The following PTPRN2 variants were observed in gnomAD, a reference collection of about 807,000 sequenced individuals.
PTPRN2 encodes protein tyrosine phosphatase receptor type N2.
Under a neutral mutation model 118.8 loss-of-function variants are expected in PTPRN2, and 74 were observed. The observed-to-expected ratio is 0.62, with a 90% CI of 0.52 to 0.76. The LOEUF is 0.76. Ranked by LOEUF, PTPRN2 falls within the 30% of genes least tolerant of loss-of-function variation. The pLI, the probability that PTPRN2 is intolerant of heterozygous loss-of-function variation, is 0.00. For synonymous variants in PTPRN2, 641 were observed against 608.0 expected, an observed-to-expected ratio of 1.05 and a Z score of -0.80; for missense variants, 1,481 against 1,394.4, an observed-to-expected ratio of 1.06 and a Z score of -0.99.
chr7:158,018,598 C>T (rs1257280090), intron 11 of PTPRN2, among the ~76,000 whole-genome samples: 1 of 152,108 alleles, frequency 6.6e-6, no homozygotes, highest in East Asian at 1.9e-4. Context: ...GTGGCTGCCT[C>T]GGTGTACTGT....
intron 2 of PTPRN2, among the ~76,000 whole-genome samples, chr7:158,347,170 T>G (rs1219998680): frequency 6.6e-6 from 1 of 152,220 alleles, no homozygotes; most frequent in African/African-American, 2.4e-5. Flanking sequence ...AAAAAAATTG[T>G]TGCCCAGGAT....
intron 2 of PTPRN2, among the ~76,000 whole-genome samples, chr7:158,392,157 A>G (rs1052335432): frequency 6.6e-6 from 1 of 150,884 alleles, no homozygotes; most frequent in African/African-American, 2.4e-5. Flanking sequence ...ATGAGGGTGG[A>G]CCTCCCCTCT....
Position 157,729,185 on chromosome 7 carries a change from G to A in PTPRN2, c.1789-46248C>T, listed in dbSNP as rs1799758089. Among the ~76,000 whole-genome samples the A allele has an allele frequency of 6.6e-6, 1 of 151,902 alleles. No homozygotes were observed. The highest frequency in any genetic ancestry group is 2.4e-5 in the African/African-American group (1 of 41,350). On this transcript the variant is annotated intron_variant, in intron 12 of 22. Coordinates refer to ENST00000389418, the MANE Select transcript of PTPRN2 (RefSeq NM_002847.5). This position sits in a 1 kb window ranked among gnomAD's most constrained non-coding sequence, Gnocchi z 4.3. Reference sequence around the variant, plus strand: ...GAATTCCTATTAAATACAATATAGAGTATTTCATTTTCTGCATCTGCCCAT... The same window carrying A: ...GAATTCCTATTAAATACAATATAGAATATTTCATTTTCTGCATCTGCCCAT...
intron 12 of PTPRN2, among the ~76,000 whole-genome samples, chr7:157,723,088 A>G (rs1423974707): frequency 6.6e-6 from 1 of 152,220 alleles, no homozygotes; most frequent in Admixed American, 6.5e-5. Context: ...TGGAAGCACA[A>G]AATTGAATTA....
At chr7:157,758,462 C>T (rs1001187010) in intron 12 of PTPRN2, among the ~76,000 whole-genome samples, 4 of 152,230 alleles carry the variant, frequency 2.6e-5, no homozygotes, top group Non-Finnish European at 5.9e-5. Flanking sequence ...GGGACGCGGG[C>T]CCCAGACCGT....
chr7:158,052,767 C>T (rs180874994), intron 11 of PTPRN2, among the ~76,000 whole-genome samples: 15 of 152,208 alleles, frequency 9.9e-5, no homozygotes, highest in South Asian at 2.1e-4. Context: ...TGCTTTGCCT[C>T]GAGGGGGCTG....
Position 158,192,469 on chromosome 7 carries a change from TCGCTGCCAA to T in PTPRN2, c.398_406del (p.Val133_Ser135del). On this transcript the variant is annotated inframe_deletion, in exon 5 of 23. Transcript: ENST00000389418. The stretch of plus-strand genomic sequence containing the variant: ...ACCGCCCTCCCGACTGTACCTCCTC[TCGCTGCCAA>T]CGCTGTGTTTTGAGGGCCTGAAAAA... 1 of 1,579,094 alleles carries T rather than the reference TCGCTGCCAA, an allele frequency of 6.3e-7. No homozygotes were observed. Among genetic ancestry groups the T allele is most frequent in the Non-Finnish European group, 8.6e-7 (1 of 1,167,362 alleles).
intron 3 of PTPRN2, among the ~76,000 whole-genome samples, chr7:158,217,743 T>A (rs761905875): frequency 1.3e-5 from 2 of 152,174 alleles, no homozygotes; most frequent in Non-Finnish European, 2.9e-5. Flanking sequence ...ATTTTAAGAA[T>A]AACCAAACTG....
chr7:157,593,694 A>G (rs113701893), intron 17 of PTPRN2, among the ~76,000 whole-genome samples: 10 of 152,184 alleles, frequency 6.6e-5, no homozygotes, highest in Non-Finnish European at 1.2e-4. Context: ...GGATGGGTCC[A>G]TGTTTCAGGA....
chr7:158,151,168 C>T lies in PTPRN2; in HGVS notation c.911-12653G>A, dbSNP rs1446364791. Among the ~76,000 whole-genome samples the T allele has an allele frequency of 6.2e-5, 3 of 48,136 alleles. 1 individual carries two copies. In the East Asian group the frequency reaches 2.1e-3, roughly 34 times the overall value. 31.6% of individuals were successfully genotyped at this position (48,136 alleles called of 152,430 possible). A position where few individuals can be genotyped will look rare whatever the true frequency, so the allele number is the denominator to read the frequency against. On this transcript the variant is annotated intron_variant, in intron 6 of 22. Transcript: ENST00000389418. Reference sequence around the variant, plus strand: ...TCCTGCCTCTCCCTGCCCACACCGCCCGCCTTTCTGCTCCTGCCTCTCCCT... The same window carrying T: ...TCCTGCCTCTCCCTGCCCACACCGCTCGCCTTTCTGCTCCTGCCTCTCCCT...
At chr7:158,487,760 C>T (rs1821135149) in intron 2 of PTPRN2, among the ~76,000 whole-genome samples, 1 of 152,142 alleles carries the variant, frequency 6.6e-6, no homozygotes, top group Non-Finnish European at 1.5e-5. Flanking sequence ...TCTGAGCCAG[C>T]ACAGGAACCA....
At position 158,150,053 on chromosome 7, in the gene PTPRN2, T is replaced by C. The variant is rs555825836; in HGVS notation, c.911-11538A>G. On this transcript the variant is annotated intron_variant, in intron 6 of 22. Coordinates refer to ENST00000389418, the MANE Select transcript of PTPRN2 (RefSeq NM_002847.5). The stretch of plus-strand genomic sequence containing the variant: ...AGTGTGGCATCAAGGGCATGAATGA[T>C]AAGAAAACAGAGTCATCTGAGGGAA... Among the ~76,000 whole-genome samples the C allele has an allele frequency of 2.1e-4, 32 of 152,306 alleles. No individual in the cohort carries two copies. In the South Asian group the frequency reaches 6.6e-3, roughly 32 times the overall value.
At chr7:158,572,608 G>A (rs1409510828) in intron 1 of PTPRN2, among the ~76,000 whole-genome samples, 1 of 152,176 alleles carries the variant, frequency 6.6e-6, no homozygotes, top group Non-Finnish European at 1.5e-5. Context: ...GGAAAACACT[G>A]ACCCTAAGTG....
chr7:157,890,503 A>G (rs543981250), intron 12 of PTPRN2, among the ~76,000 whole-genome samples: 9 of 152,262 alleles, frequency 5.9e-5, no homozygotes, highest in Admixed American at 4.6e-4. Context: ...TTAGCTGAAC[A>G]TGGTGGCAGA....
At chr7:157,594,538 C>G (rs1801175224) in intron 17 of PTPRN2, among the ~76,000 whole-genome samples, 2 of 152,256 alleles carry the variant, frequency 1.3e-5, no homozygotes, top group Admixed American at 1.3e-4. Flanking sequence ...CAGCTCGACT[C>G]TCCTTAGGAG....
At chr7:157,746,257 C>T (rs1800926722) in intron 12 of PTPRN2, among the ~76,000 whole-genome samples, 1 of 151,772 alleles carries the variant, frequency 6.6e-6, no homozygotes, top group Non-Finnish European at 1.5e-5. Context: ...CTCCACAGTC[C>T]ACATGGGGCC....
rs532481485 is a variant in PTPRN2, at chr7:157,557,508, G to C, written c.2903-8489C>G. Among the ~76,000 whole-genome samples the C allele has an allele frequency of 4.1e-5, 6 of 147,528 alleles. No homozygotes were observed. The South Asian group carries it at 1.3e-3, about 32-fold the overall frequency. The stretch of plus-strand genomic sequence containing the variant: ...GTGCATGCACACACAGGTACACACG[G>C]CATGCATAGGCCCACACAACACCCA... On this transcript the variant is annotated intron_variant, in intron 21 of 22. Coordinates refer to ENST00000389418, the MANE Select transcript of PTPRN2 (RefSeq NM_002847.5).
At chr7:157,682,571 C>T (rs1315042603) in intron 13 of PTPRN2, among the ~76,000 whole-genome samples, 154 bp downstream of exon 13, 1 of 152,222 alleles carries the variant, frequency 6.6e-6, no homozygotes, top group African/African-American at 2.4e-5. Context: ...TGCACGAATG[C>T]TGATGAGAAG....
chr7:158,222,042 C>A (rs1311819598), intron 3 of PTPRN2, among the ~76,000 whole-genome samples: 1 of 152,002 alleles, frequency 6.6e-6, no homozygotes, highest in Non-Finnish European at 1.5e-5. Flanking sequence ...TTCACATGAG[C>A]CAGAATGAAT....
Sources: gnomAD v4.1 joint callset for allele counts (sites outside exome capture counted in the v4.1 genomes callset) on GRCh38, gnomAD v4.1.1 for gene constraint, Gnocchi (gnomAD v3.1) non-coding constraint, MANE v1.5 for transcripts, NCBI Gene and HGNC (gene_info 2026-07-23, HGNC 2026-07-21) for gene names.